Variants in LSP1 observed in about 807,000 individuals in gnomAD.
The protein encoded by LSP1 is lymphocyte specific protein 1.
Under a neutral mutation model 49.3 loss-of-function variants are expected in LSP1, and 32 were observed. The ratio of observed to expected loss-of-function variants is 0.65; its 90% CI spans 0.49 to 0.87. The LOEUF (loss-of-function observed/expected upper bound fraction) is 0.87. LSP1 is among the 40% of genes least tolerant of loss of function. The pLI is 0.00. For synonymous variants in LSP1, 179 were observed against 178.8 expected (o/e 1.00, Z -0.01); for missense variants, 428 against 442.6 (o/e 0.97, Z 0.30).
chr11:1,868,703 G>A (rs774966050), intron 1 of LSP1: 8 of 985,702 alleles, frequency 8.1e-6, no homozygotes, highest in African/African-American at 5.2e-5. Context: ...GACAGAGCCC[G>A]TCCTGCCCAG....
intron 7 of LSP1, among the ~76,000 whole-genome samples, chr11:1,886,386 A>G (rs1304963693): frequency 6.6e-6 from 1 of 152,012 alleles, no homozygotes; most frequent in Admixed American, 6.5e-5. Context: ...ATGCTCCTCC[A>G]TCCAACCAAT....
chr11:1,883,835 G>A (rs1159883154), intron 4 of LSP1, 97 bp from the exon 5 acceptor site: 2 of 1,198,784 alleles, frequency 1.7e-6, no homozygotes, highest in East Asian at 2.3e-5. Context: ...AGAACCTGGG[G>A]CTCAGGAAGG....
intron 1 of LSP1, among the ~76,000 whole-genome samples, chr11:1,860,296 G>GATGGATGGATGC (rs1847594660): frequency 1.3e-4 from 2 of 15,204 alleles, no homozygotes; most frequent in Non-Finnish European, 2.4e-4. Context: ...ATAATTGAAT[G>GATGGATGGATGC]ATGGATGGAT....
chr11:1,889,232 C>A, intron 10 of LSP1: 1 of 674,026 alleles, frequency 1.5e-6, no homozygotes, highest in Non-Finnish European at 2.8e-6. Flanking sequence ...TGGGAGGGGG[C>A]CGGGTGGCCT....
intron 1 of LSP1, chr11:1,864,428 C>A (rs1037730173): frequency 6.7e-6 from 1 of 149,218 alleles, no homozygotes; most frequent in Non-Finnish European, 1.3e-5. Context: ...AAGCGGGCAG[C>A]GGCTACCAAG....
chr11:1,879,976 G>A, intron 1 of LSP1, 111 bp from the exon 2 acceptor site: 2 of 1,349,542 alleles, frequency 1.5e-6, no homozygotes, highest in Non-Finnish European at 2.1e-6. Context: ...CTCGTGGACA[G>A]GGCTGCCTGC....
At chr11:1,875,796 C>T (rs775382471) in intron 1 of LSP1, among the ~76,000 whole-genome samples, 13 of 152,186 alleles carry the variant, frequency 8.5e-5, no homozygotes, top group South Asian at 2.1e-4. Context: ...CCCAGGCGGA[C>T]GGCGCATGCC....
Position 1,856,079 on chromosome 11 carries a change from G to A in LSP1, c.53+2882G>A, listed in dbSNP as rs181753623. 5.1e-3 allele frequency among the ~76,000 whole-genome samples: 738 copies of A among 145,988 alleles called. 5 individuals carry two copies. The highest frequency in any genetic ancestry group is 6.8e-3 in the Middle Eastern group (2 of 292). On this transcript the variant is annotated intron_variant, in intron 1 of 10. Transcript: ENST00000311604. ...CCCAGCTGCCCGGGGGTGCCCACCC[G>A]CCCAGGCGTGCCCACCCCATGTCCA... is the stretch of plus-strand genomic sequence containing the variant.
chr11:1,884,492 C>T lies in LSP1; in HGVS notation c.636-8C>T. 2 of 1,612,902 alleles carry T rather than the reference C, an allele frequency of 1.2e-6. No homozygotes were observed. The highest frequency in any genetic ancestry group is 1.7e-6 in the Non-Finnish European group (2 of 1,179,024). On this transcript the variant is annotated splice_polypyrimidine_tract_variant and splice_region_variant and intron_variant, in intron 6 of 10. Coordinates refer to ENST00000311604, the MANE Select transcript of LSP1 (RefSeq NM_002339.3). The surrounding 1 kb of genome is among the most constrained non-coding windows in gnomAD (Gnocchi z 4.1). ...GACATGGGGCCTGACACATCTTCTA[C>T]CCTCCAGTAACAGTGTGAAGAAATC...
At chr11:1,855,390 G>A (rs1051591955) in intron 1 of LSP1, among the ~76,000 whole-genome samples, 3 of 152,170 alleles carry the variant, frequency 2.0e-5, no homozygotes, top group Non-Finnish European at 4.4e-5. Context: ...TGCCAGGTAC[G>A]CCAGCCTGTG....
chr11:1,853,548 G>T (rs1019278794), intron 1 of LSP1, among the ~76,000 whole-genome samples: 1 of 152,226 alleles, frequency 6.6e-6, no homozygotes, highest in African/African-American at 2.4e-5. Context: ...GGCCCTGTTA[G>T]CTTGGGAAGA....
At chr11:1,866,555 C>T in intron 1 of LSP1, 1 of 1,544,978 alleles carries the variant, frequency 6.5e-7, no homozygotes. Context: ...CTGCAGTGGG[C>T]CCCTGGCTGG....
Position 1,881,487 on chromosome 11 carries a change from G to A in LSP1, c.247G>A (p.Asp83Asn), listed in dbSNP as rs1430559453. 8.2e-6 allele frequency: 13 copies of A among 1,578,616 alleles called. No individual in the cohort carries two copies. The highest frequency in any genetic ancestry group is 1.2e-5 in the South Asian group (1 of 86,306). Residue 83 changes from aspartate to asparagine, a missense_variant, in exon 3 of 11, where the codon GAC (aspartate) becomes AAC (asparagine). Coordinates refer to ENST00000311604, the MANE Select transcript of LSP1 (RefSeq NM_002339.3). ...PELDEDEGFGDWSQRPEQRQQ... is the reference protein window; with the variant it reads ...PELDEDEGFGNWSQRPEQRQQ... ...ACTGGATGAGGACGAGGGCTTTGGC[G>A]ACTGGTCCCAGAGGCCAGAGCAGCG...
intron 1 of LSP1, chr11:1,864,310 C>A: frequency 1.1e-6 from 1 of 938,958 alleles, no homozygotes. Flanking sequence ...AGGGCCCGGG[C>A]AGGGCCTGGC....
intron 1 of LSP1, among the ~76,000 whole-genome samples, chr11:1,862,822 G>A (rs1847678620): frequency 6.7e-6 from 1 of 149,698 alleles, no homozygotes; most frequent in Non-Finnish European, 1.5e-5. Context: ...AGGTAATCTT[G>A]CCTCCTCTGG....
intron 1 of LSP1, among the ~76,000 whole-genome samples, chr11:1,872,408 C>G (rs1223997254): frequency 8.2e-6 from 1 of 122,000 alleles, no homozygotes; most frequent in South Asian, 2.7e-4. Flanking sequence ...GTGTGTGTGG[C>G]GGGCAGGCCT....
At chr11:1,890,820 G>A (rs911428646) in intron 10 of LSP1, 4 of 574,238 alleles carry the variant, frequency 7.0e-6, no homozygotes, top group South Asian at 6.6e-5. Flanking sequence ...CACAGAGGCC[G>A]AGTCCCTCCA....
At chr11:1,880,265 T>TC in intron 2 of LSP1, 41 bp downstream of exon 2, 1 of 1,527,934 alleles carries the variant, frequency 6.5e-7, no homozygotes, top group Admixed American at 2.0e-5. Flanking sequence ...CTAGCCCCTA[T>TC]CCGTGTACCC....
intron 1 of LSP1, among the ~76,000 whole-genome samples, chr11:1,856,971 G>A (rs868213281): frequency 2.0e-5 from 3 of 152,198 alleles, no homozygotes; most frequent in African/African-American, 7.2e-5. Flanking sequence ...TTAGGATTGA[G>A]GGCTAAGCCC....
Sources: allele counts gnomAD v4.1 joint callset (sites outside exome capture counted in the v4.1 genomes callset), GRCh38; gene constraint gnomAD v4.1.1; non-coding constraint Gnocchi (gnomAD v3.1); transcripts MANE v1.5; gene names NCBI Gene and HGNC (gene_info 2026-07-23, HGNC 2026-07-21).